BLMH: variants seen among roughly 807,000 people sequenced by gnomAD.
BLMH encodes the protein bleomycin hydrolase, also known as BLM hydrolase.
BLMH carries 32 observed loss-of-function variants against 61.6 expected under a neutral mutation model. That is an observed-to-expected ratio of 0.52 (90% CI 0.39 to 0.70). The LOEUF is 0.70. Ranked by LOEUF, BLMH falls within the 30% of genes least tolerant of loss-of-function variation. BLMH has a pLI of 0.00. For missense variants in BLMH, 460 were observed against 555.5 expected (o/e 0.83, Z 1.73); for synonymous variants, 183 against 193.8 (o/e 0.94, Z 0.46).
At chr17:30,267,992 T>C (rs910417782) in intron 10 of BLMH, among the ~76,000 whole-genome samples, 12 of 152,212 alleles carry the variant, frequency 7.9e-5, no homozygotes, top group African/African-American at 2.9e-4. Context: ...GTCTCACAAA[T>C]AGCGCCAACA....
chr17:30,268,884 A>G, intron 10 of BLMH, among the ~76,000 whole-genome samples: 1 of 144,082 alleles, frequency 6.9e-6, no homozygotes, highest in Non-Finnish European at 1.5e-5. Context: ...TAAAAATACA[A>G]AAAAAAAAAA....
intron 10 of BLMH, among the ~76,000 whole-genome samples, chr17:30,270,057 CTCACAAT>C (rs1908224725): frequency 6.6e-6 from 1 of 152,182 alleles, no homozygotes; most frequent in Non-Finnish European, 1.5e-5. Flanking sequence ...CCCCATCCCA[CTCACAAT>C]TCTGCATAGA....
intron 7 of BLMH, chr17:30,273,671 CAGG>C (rs1908341859): frequency 4.0e-6 from 1 of 246,928 alleles, no homozygotes; most frequent in Non-Finnish European, 7.7e-6. Context: ...CTCCCTTCAA[CAGG>C]AGAGTTCCCC....
intron 11 of BLMH, chr17:30,252,135 G>A (rs1348885076): frequency 6.6e-6 from 1 of 151,996 alleles, no homozygotes; most frequent in Admixed American, 6.6e-5. Flanking sequence ...GTTGCTCAAG[G>A]GCAGACCCTG....
Position 30,249,135 on chromosome 17 carries a change from T to G in BLMH, c.1250A>C (p.Glu417Ala). ...YLCMTDEWFS[E>A]YVYEVVVDRK... ...GTCCACCACCACTTCGTAGACATAC[T>G]CAGAGAACCACTCATCTGTCATGCA... Residue 417 changes from glutamate (E) to alanine (A), a missense_variant, in exon 12 of 12, where the codon GAG becomes GCG. Transcript: ENST00000261714. The G allele has an allele frequency of 6.2e-7, 1 of 1,614,056 alleles. No homozygotes were observed. The highest frequency in any genetic ancestry group is 8.5e-7 in the Non-Finnish European group (1 of 1,179,956).
At position 30,285,289 on chromosome 17, in the gene BLMH, G is replaced by A. The variant is rs1597667330; in HGVS notation, c.645+99C>T. On this transcript the variant is annotated intron_variant, in intron 6 of 11. Coordinates refer to ENST00000261714, the MANE Select transcript of BLMH (RefSeq NM_000386.4). ...TAATTTTCAATTCAATTAAACATTC[G>A]TTGCCATGACTAAAGCTTCCTAATC... is the stretch of plus-strand genomic sequence containing the variant. 22 of 803,692 alleles carry A rather than the reference G, an allele frequency of 2.7e-5. No homozygotes were observed. In the East Asian group the frequency reaches 4.7e-4, roughly 17 times the overall value. The allele number at this position is 803,692 out of a possible 1,614,324, so 49.8% of individuals were successfully genotyped here.
intron 6 of BLMH, among the ~76,000 whole-genome samples, chr17:30,274,614 C>T (rs1002621737): frequency 5.9e-5 from 9 of 152,078 alleles, no homozygotes; most frequent in Non-Finnish European, 1.5e-5. Flanking sequence ...CTTATTACAA[C>T]AGGGGTCTCT....
At chr17:30,271,197 GT>G in intron 10 of BLMH, 73 bp downstream of exon 10, 1 of 1,130,612 alleles carries the variant, frequency 8.8e-7, no homozygotes, top group Non-Finnish European at 1.3e-6. Flanking sequence ...ATGAAGCTTT[GT>G]TGGGTAAACA....
chr17:30,257,147 C>T (rs1208946582), intron 11 of BLMH, among the ~76,000 whole-genome samples: 2 of 152,190 alleles, frequency 1.3e-5, no homozygotes, highest in Non-Finnish European at 2.9e-5. Context: ...AATATTTATT[C>T]GGCACTTACC....
At chr17:30,289,250 A>G (rs1908816114) in intron 3 of BLMH, 123 bp downstream of exon 3, 1 of 502,358 alleles carries the variant, frequency 2.0e-6, no homozygotes. Flanking sequence ...TGGAAGTCAG[A>G]ATAAAAGGTG....
intron 11 of BLMH, among the ~76,000 whole-genome samples, chr17:30,253,729 T>C (rs1907736553): frequency 6.6e-6 from 1 of 152,162 alleles, no homozygotes; most frequent in Non-Finnish European, 1.5e-5. Context: ...AAGGTTACAC[T>C]GAGTGAAACA....
intron 6 of BLMH, among the ~76,000 whole-genome samples, chr17:30,280,538 G>A (rs1908557999): frequency 1.3e-5 from 2 of 152,090 alleles, no homozygotes; most frequent in African/African-American, 2.4e-5. Flanking sequence ...GTGCAGGGGT[G>A]TAATCACAGC....
intron 6 of BLMH, among the ~76,000 whole-genome samples, chr17:30,277,465 G>C (rs1175768072): frequency 6.6e-6 from 1 of 152,174 alleles, no homozygotes; most frequent in Non-Finnish European, 1.5e-5. Context: ...GATTAGAAAG[G>C]TTTTAAAGAC....
chr17:30,255,639 CTGT>C (rs1907791333), intron 11 of BLMH, among the ~76,000 whole-genome samples: 1 of 152,198 alleles, frequency 6.6e-6, no homozygotes, highest in Non-Finnish European at 1.5e-5. Flanking sequence ...TGGCTCATGC[CTGT>C]AATCCCAGCA....
Position 30,248,930 on chromosome 17 carries a change from C to G in BLMH, c.*87G>C. On this transcript the variant is annotated 3_prime_UTR_variant, in exon 12 of 12. Transcript: ENST00000261714. ...TGTGTCCTGTGGCAACACACAGTCC[C>G]TTGCATAACTTTGGCTTCAGTCCCT... 1 of 1,509,676 alleles carries G rather than the reference C, an allele frequency of 6.6e-7. No homozygotes were observed. Among genetic ancestry groups the G allele is most frequent in the Non-Finnish European group, 9.0e-7 (1 of 1,106,938 alleles). 93.5% of individuals were successfully genotyped at this position (1,509,676 alleles called of 1,614,324 possible).
At chr17:30,291,079 T>C (rs995883218) in intron 2 of BLMH, 12 of 564,918 alleles carry the variant, frequency 2.1e-5, no homozygotes, top group African/African-American at 7.5e-5. Flanking sequence ...CTCAAACGTA[T>C]ACTCATGGAC....
intron 10 of BLMH, 104 bp from the exon 11 acceptor site, chr17:30,267,058 CTCTATACAGGCAGCCT>C: frequency 1.1e-6 from 1 of 924,310 alleles, no homozygotes; most frequent in Non-Finnish European, 1.7e-6. Flanking sequence ...AAACAGCCTG[CTCTATACAGGCAGCCT>C]GCTCTATACA....
At chr17:30,273,008 A>C in intron 7 of BLMH, 109 bp from the exon 8 acceptor site, 1 of 1,240,558 alleles carries the variant, frequency 8.1e-7, no homozygotes, top group Non-Finnish European at 1.1e-6. Flanking sequence ...CTCTGCCTAC[A>C]AGCTAAGTAC....
At chr17:30,250,911 G>C (rs1291929411) in intron 11 of BLMH, among the ~76,000 whole-genome samples, 2 of 152,108 alleles carry the variant, frequency 1.3e-5, no homozygotes, top group East Asian at 3.9e-4. Context: ...GCCATAAAAA[G>C]GAAAAAAATA....
Sources: gnomAD v4.1 joint callset for allele counts (sites outside exome capture counted in the v4.1 genomes callset) on GRCh38, gnomAD v4.1.1 for gene constraint, MANE v1.5 for transcripts, NCBI Gene and HGNC (gene_info 2026-07-23, HGNC 2026-07-21) for gene names.